DBN1: variants seen among roughly 807,000 people sequenced by gnomAD.
The protein encoded by DBN1 is drebrin 1.
Under a neutral mutation model 83.5 loss-of-function variants are expected in DBN1, and 21 were observed. The observed-to-expected ratio is 0.25, with a 90% CI of 0.18 to 0.36. DBN1 has a LOEUF of 0.36. Ranked by LOEUF, DBN1 falls within the 10% of genes least tolerant of loss-of-function variation. DBN1 has a pLI of 1.00. For synonymous variants in DBN1, 381 were observed against 384.9 expected, an observed-to-expected ratio of 0.99 and a Z score of 0.12; for missense variants, 874 against 935.7, an observed-to-expected ratio of 0.93 and a Z score of 0.86.
chr5:177,457,207 G>A lies in DBN1; in HGVS notation c.*226C>T, dbSNP rs567037507. ...ACAGCGTCTCAACTACCAACGAGAG[G>A]AAAGCCAGTCAACTGTACAAGTCTC... On this transcript the variant is annotated 3_prime_UTR_variant, in exon 15 of 15. Transcript: ENST00000393565. The A allele has an allele frequency of 1.8e-6, 1 of 568,636 alleles. No individual in the cohort carries two copies. The highest frequency in any genetic ancestry group is 2.9e-5 in the East Asian group (1 of 34,274). 35.2% of individuals were successfully genotyped at this position (568,636 alleles called of 1,614,324 possible). A position where few individuals can be genotyped will look rare whatever the true frequency, so the allele number is the denominator to read the frequency against.
rs1468487744 is a variant in DBN1, at chr5:177,460,544, A to T, written c.843T>A (p.Ala281=). ...GGTTGTCAGGCCGCTGGGCAATAAT[A>T]GCTGCTGCCTCCTGAGGGCACGAGG... ...KSESEVEEAA[A]IIAQRPDNPR... The change falls in exon 10 of 15, where the codon GCT becomes GCA. Residue 281 remains alanine, a synonymous_variant. Transcript: ENST00000393565. 6.2e-7 allele frequency: 1 copy of T among 1,614,164 alleles called. No individual in the cohort carries two copies. The highest frequency in any genetic ancestry group is 1.1e-5 in the South Asian group (1 of 91,088).
chr5:177,472,499 G>T, intron 1 of DBN1: 1 of 1,020,074 alleles, frequency 9.8e-7, no homozygotes, highest in Non-Finnish European at 1.3e-6. Flanking sequence ...CAGCCCCAGA[G>T]CAGGTGGTCC....
intron 12 of DBN1, 138 bp downstream of exon 12, chr5:177,458,960 C>G: frequency 4.2e-6 from 6 of 1,431,902 alleles, no homozygotes; most frequent in Non-Finnish European, 5.5e-6. Flanking sequence ...GGCTCCTCCC[C>G]ACACAGCCGC....
chr5:177,470,652 C>G (rs1757777770), intron 1 of DBN1, among the ~76,000 whole-genome samples: 1 of 152,206 alleles, frequency 6.6e-6, no homozygotes, highest in Admixed American at 6.5e-5. Flanking sequence ...GTTCTCTTCA[C>G]GTGGAAGGCA....
chr5:177,466,956 C>A lies in DBN1; in HGVS notation c.662G>T (p.Arg221Leu), dbSNP rs900086485. ...CTCCCGCTCCCGGTAGCGCCGCTCG[C>A]GCTCCTCTTGCTCCTGCCGCTCCTG... Reference protein sequence around the residue: ...MEQERQEQEERERRYREREQQ... With the variant: ...MEQERQEQEELERRYREREQQ... The change falls in exon 7 of 15, where the codon CGC (arginine) becomes CTC (leucine). Residue 221 changes from arginine (R) to leucine (L), a missense_variant. Physicochemically the swap from Arg to Leu is moderately radical, Grantham distance 102 (BLOSUM62 -2). Coordinates refer to ENST00000393565, the MANE Select transcript of DBN1 (RefSeq NM_001363541.2). The surrounding 1 kb of genome is among the most constrained non-coding windows in gnomAD (Gnocchi z 4.8). 7 of 1,612,852 alleles carry A rather than the reference C, an allele frequency of 4.3e-6. No individual in the cohort carries two copies. The highest frequency in any genetic ancestry group is 5.9e-6 in the Non-Finnish European group (7 of 1,179,822).
intron 8 of DBN1, 46 bp from the exon 9 acceptor site, chr5:177,460,749 G>A (rs768060779): frequency 6.9e-6 from 11 of 1,591,548 alleles, no homozygotes; most frequent in Non-Finnish European, 9.4e-6. Context: ...CCCCCACAGG[G>A]GCTTTTGGCC....
At chr5:177,461,399 C>T (rs899016895) in intron 8 of DBN1, among the ~76,000 whole-genome samples, 1 of 152,192 alleles carries the variant, frequency 6.6e-6, no homozygotes, top group African/African-American at 2.4e-5. Context: ...CGCCCGGCCC[C>T]TTCTGGCCTT....
chr5:177,472,704 A>C lies in DBN1; in HGVS notation c.86+732T>G. On this transcript the variant is annotated intron_variant, in intron 1 of 14. Transcript: ENST00000393565. ...TCCCAGGGATCTCAGCTGGCCCCTTAGGCAGCTCGGTGCCCCCCAGCCCAG... is the reference window on the plus strand; with the variant it reads ...TCCCAGGGATCTCAGCTGGCCCCTTCGGCAGCTCGGTGCCCCCCAGCCCAG... The C allele has an allele frequency of 3.8e-6, 3 of 791,574 alleles. No homozygotes were observed. The African/African-American group carries it at 5.7e-5, about 15-fold the overall frequency. The allele number at this position is 791,574 out of a possible 1,614,324, so 49.0% of individuals were successfully genotyped here. A position where few individuals can be genotyped will look rare whatever the true frequency, so the allele number is the denominator to read the frequency against.
Position 177,467,837 on chromosome 5 carries a change from G to T in DBN1, c.256-20C>A. 1.3e-6 allele frequency: 2 copies of T among 1,573,956 alleles called. No individual in the cohort carries two copies. The highest frequency in any genetic ancestry group is 1.7e-6 in the Non-Finnish European group (2 of 1,160,190). ...GCCCACCTGCAAAGTACCCAGCAAA[G>T]AGGGGGTCAGGAAAGGACAAGGGGG... On this transcript the variant is annotated intron_variant, in intron 3 of 14. Coordinates refer to ENST00000393565, the MANE Select transcript of DBN1 (RefSeq NM_001363541.2). This position sits in a 1 kb window ranked among gnomAD's most constrained non-coding sequence, Gnocchi z 9.1.
Position 177,466,675 on chromosome 5 carries a change from T to C in DBN1, c.771+97A>G. On this transcript the variant is annotated intron_variant, in intron 8 of 14. Transcript: ENST00000393565. This position sits in a 1 kb window ranked among gnomAD's most constrained non-coding sequence, Gnocchi z 4.8. ...TGCAGCTCCCCAGAACAGCCACCAC[T>C]GTCCCTGAGCCACTGATCTCCCCAC... is the stretch of plus-strand genomic sequence containing the variant. 2 of 1,406,038 alleles carry C rather than the reference T, an allele frequency of 1.4e-6. No individual in the cohort carries two copies. Among genetic ancestry groups the C allele is most frequent in the South Asian group, 2.3e-5 (2 of 86,770 alleles). 87.1% of individuals were successfully genotyped at this position (1,406,038 alleles called of 1,614,324 possible). A position where few individuals can be genotyped will look rare whatever the true frequency, so the allele number is the denominator to read the frequency against.
rs776641532 is a variant in DBN1, at chr5:177,467,095, C to G, written c.556-33G>C. 6.8e-6 allele frequency: 11 copies of G among 1,612,696 alleles called. No homozygotes were observed. Among genetic ancestry groups the G allele is most frequent in the East Asian group, 2.2e-5 (1 of 44,880 alleles). On this transcript the variant is annotated intron_variant, in intron 6 of 14. Transcript: ENST00000393565. This position sits in a 1 kb window ranked among gnomAD's most constrained non-coding sequence, Gnocchi z 9.1. Reference sequence around the variant, plus strand: ...CCCCGGTGCGAACAAGGGTAGGCCCCGAGCCTAGGCGCCTGGACCCTGCCC... The same window carrying G: ...CCCCGGTGCGAACAAGGGTAGGCCCGGAGCCTAGGCGCCTGGACCCTGCCC...
Position 177,459,029 on chromosome 5 carries a change from T to C in DBN1, c.1264+69A>G, listed in dbSNP as rs1756795483. On this transcript the variant is annotated intron_variant, in intron 12 of 14. Transcript: ENST00000393565. ...CCAGATCCCTGGAGAACGGTTACCA[T>C]GGCAACCTGGGGCTCCCAGCCAGGG... 9.8e-6 allele frequency: 15 copies of C among 1,537,520 alleles called. 1 individual carries two copies. The South Asian group carries it at 1.9e-4, about 20-fold the overall frequency.
intron 1 of DBN1, chr5:177,472,354 T>C (rs1383725852): frequency 2.7e-6 from 4 of 1,489,430 alleles, no homozygotes; most frequent in Non-Finnish European, 2.7e-6. Flanking sequence ...TGTTCCCATC[T>C]GCCAGCAGGG....
At chr5:177,462,887 C>T (rs774865425) in intron 8 of DBN1, among the ~76,000 whole-genome samples, 232 of 152,324 alleles carry the variant, frequency 1.5e-3, no homozygotes, top group Non-Finnish European at 4.9e-4. Context: ...ATCTCCCCCA[C>T]TCCTCAGCCC....
At chr5:177,463,023 A>G (rs1757157144) in intron 8 of DBN1, among the ~76,000 whole-genome samples, 1 of 150,946 alleles carries the variant, frequency 6.6e-6, no homozygotes, top group Non-Finnish European at 1.5e-5. Context: ...AGAAAGGACC[A>G]GAGGCAACTA....
At chr5:177,470,258 AAC>A (rs1757746465) in intron 1 of DBN1, among the ~76,000 whole-genome samples, 1 of 152,156 alleles carries the variant, frequency 6.6e-6, no homozygotes, top group Non-Finnish European at 1.5e-5. Context: ...CTGCTGCCCT[AAC>A]CCACCACGGG....
In DBN1 at chr5:177,457,616, C is replaced by G. The variant is rs771734463; in HGVS notation, c.2017+39G>C. 26 of 1,534,076 alleles carry G rather than the reference C, an allele frequency of 1.7e-5. No individual in the cohort carries two copies. In the South Asian group the frequency reaches 1.8e-4, roughly 11 times the overall value. On this transcript the variant is annotated intron_variant, in intron 14 of 14. Transcript: ENST00000393565. ...GCTACCCACACTCAAATCCAGCCCC[C>G]GCACCCAAATTCCTCCCCATCATCC...
intron 2 of DBN1, 132 bp downstream of exon 2, chr5:177,468,712 C>G: frequency 1.9e-6 from 1 of 532,846 alleles, no homozygotes; most frequent in Admixed American, 3.1e-5. Context: ...AGGAAGGACA[C>G]CCGCCAGATC....
In DBN1 at chr5:177,467,397, G is replaced by T; in HGVS notation, c.478-65C>A. The T allele has an allele frequency of 6.2e-7, 1 of 1,613,620 alleles. No individual in the cohort carries two copies. On this transcript the variant is annotated intron_variant, in intron 5 of 14. Coordinates refer to ENST00000393565, the MANE Select transcript of DBN1 (RefSeq NM_001363541.2). This position sits in a 1 kb window ranked among gnomAD's most constrained non-coding sequence, Gnocchi z 9.1. Reference sequence around the variant, plus strand: ...CCCAGGAACCCCCGACACCTAAAGGGTGAGAGCTAAGAGGGACCGGGCAGG... The same window carrying T: ...CCCAGGAACCCCCGACACCTAAAGGTTGAGAGCTAAGAGGGACCGGGCAGG...
Sources: allele counts gnomAD v4.1 joint callset (sites outside exome capture counted in the v4.1 genomes callset), GRCh38; gene constraint gnomAD v4.1.1; non-coding constraint Gnocchi (gnomAD v3.1); transcripts MANE v1.5; gene names NCBI Gene and HGNC (gene_info 2026-07-23, HGNC 2026-07-21).